Variants in DLG2 observed in about 807,000 individuals in gnomAD.
DLG2 encodes discs large MAGUK scaffold protein 2.
A neutral mutation model predicts 132.5 loss-of-function variants in DLG2; 45 were observed. The observed-to-expected ratio is 0.34, with a 90% CI of 0.27 to 0.44. The LOEUF is 0.44. Among genes scored for constraint, DLG2 ranks in the 20% least tolerant of loss-of-function variants. DLG2 has a pLI of 1.00. For missense variants in DLG2, 1,045 were observed against 1,196.9 expected, an observed-to-expected ratio of 0.87 and a Z score of 1.87; for synonymous variants, 424 against 419.6, an observed-to-expected ratio of 1.01 and a Z score of -0.13.
intron 18 of DLG2, among the ~76,000 whole-genome samples, chr11:83,727,345 T>C (rs1427862851): frequency 1.3e-5 from 2 of 152,084 alleles, no homozygotes; most frequent in Non-Finnish European, 2.9e-5. Flanking sequence ...GCCACAGTGA[T>C]TGTTGTTCAC....
At chr11:84,305,546 A>C (rs1299627588) in intron 7 of DLG2, among the ~76,000 whole-genome samples, 1 of 152,122 alleles carries the variant, frequency 6.6e-6, no homozygotes, top group African/African-American at 2.4e-5. Flanking sequence ...GGTCTTACTG[A>C]TATGTTTAAT....
chr11:83,964,147 G>C (rs1340722365), intron 13 of DLG2, among the ~76,000 whole-genome samples: 1 of 151,904 alleles, frequency 6.6e-6, no homozygotes, highest in South Asian at 2.1e-4. Context: ...ATACTTATTT[G>C]TTAGGTTTAT....
intron 4 of DLG2, among the ~76,000 whole-genome samples, chr11:85,186,640 A>T (rs1408149526): frequency 1.3e-5 from 2 of 152,140 alleles, no homozygotes; most frequent in Admixed American, 1.3e-4. Context: ...GAACATAGAT[A>T]CGTAGTAGTG....
intron 16 of DLG2, among the ~76,000 whole-genome samples, chr11:83,866,076 C>A (rs1396399059): frequency 6.6e-6 from 1 of 151,926 alleles, no homozygotes; most frequent in East Asian, 1.9e-4. Context: ...CACAGTCCCC[C>A]CTTTTTTTTT....
At chr11:83,805,563 C>G (rs1191748883) in intron 17 of DLG2, among the ~76,000 whole-genome samples, 1 of 152,046 alleles carries the variant, frequency 6.6e-6, no homozygotes, top group African/African-American at 2.4e-5. Context: ...CCTCTAATCT[C>G]TGTCTCTCTC....
intron 6 of DLG2, among the ~76,000 whole-genome samples, chr11:84,901,195 T>A (rs747261307): frequency 1.3e-5 from 2 of 152,082 alleles, no homozygotes; most frequent in Non-Finnish European, 2.9e-5. Flanking sequence ...TATTTCCACA[T>A]GATAAATGCT....
At chr11:85,120,035 ATAT>A (rs2074113625) in intron 5 of DLG2, among the ~76,000 whole-genome samples, 2 of 152,088 alleles carry the variant, frequency 1.3e-5, no homozygotes, top group Non-Finnish European at 2.9e-5. Context: ...CAAAAAATGC[ATAT>A]ACATTGGATA....
chr11:85,115,582 G>A (rs558099237), intron 5 of DLG2, among the ~76,000 whole-genome samples: 30 of 152,026 alleles, frequency 2.0e-4, no homozygotes, highest in Admixed American at 1.2e-3. Flanking sequence ...ATGAACAAGC[G>A]TAAGGGAAAA....
At chr11:84,000,187 C>T (rs1424231506) in intron 11 of DLG2, among the ~76,000 whole-genome samples, 1 of 151,720 alleles carries the variant, frequency 6.6e-6, no homozygotes, top group South Asian at 2.1e-4. Flanking sequence ...ACAAAAGAAC[C>T]AAACAGAAAT....
At chr11:84,585,121 C>G (rs757765791) in intron 6 of DLG2, among the ~76,000 whole-genome samples, 3 of 151,618 alleles carry the variant, frequency 2.0e-5, no homozygotes, top group Non-Finnish European at 4.4e-5. Context: ...AATATTTTGC[C>G]TTTTTTATGT....
intron 6 of DLG2, among the ~76,000 whole-genome samples, chr11:84,611,764 A>G (rs2099595989): frequency 1.3e-5 from 2 of 152,200 alleles, no homozygotes; most frequent in South Asian, 2.1e-4. Context: ...TAGACTCCAA[A>G]GAGAAATCAA....
rs548004471 is a variant in DLG2 at position 84,690,512 on chromosome 11, T to A, written c.358-155781A>T. On this transcript the variant is annotated intron_variant, in intron 6 of 27. Coordinates refer to ENST00000376104, the MANE Select transcript of DLG2 (RefSeq NM_001142699.3). ...ATCCCTCCATCCCTTATCCCTTCTCTCATTGAAAACAATGTAGAGCGTGGG... is the reference window on the plus strand; with the variant it reads ...ATCCCTCCATCCCTTATCCCTTCTCACATTGAAAACAATGTAGAGCGTGGG... Among the ~76,000 whole-genome samples, 17 of 151,922 alleles carry A rather than the reference T, an allele frequency of 1.1e-4. No individual in the cohort carries two copies. In the East Asian group the frequency reaches 3.3e-3, roughly 29 times the overall value.
intron 3 of DLG2, among the ~76,000 whole-genome samples, chr11:85,487,043 A>T (rs1488805535): frequency 7.3e-6 from 1 of 136,254 alleles, no homozygotes; most frequent in East Asian, 2.1e-4. Context: ...TGTGCTGATT[A>T]AAAAAAAAAA....
intron 7 of DLG2, among the ~76,000 whole-genome samples, chr11:84,489,197 A>G (rs1403231515): frequency 6.6e-6 from 1 of 152,100 alleles, no homozygotes; most frequent in Non-Finnish European, 1.5e-5. Context: ...ATAGTATAAA[A>G]CAAACGGCAC....
rs1439263633 is a variant in DLG2, at chr11:84,512,376, TA to T, written c.519+22193del. On this transcript the variant is annotated intron_variant, in intron 7 of 27. Transcript: ENST00000376104. ...GGCAAAATAGAACTGACAGTACCTT[TA>T]AAAAAATCAGATTTGAAAGAATCTG... Among the ~76,000 whole-genome samples the T allele has an allele frequency of 1.8e-4, 28 of 152,136 alleles. 1 individual carries two copies. The highest frequency in any genetic ancestry group is 6.5e-4 in the African/African-American group (27 of 41,516).
intron 6 of DLG2, among the ~76,000 whole-genome samples, chr11:84,823,160 G>T (rs956596616): frequency 7.3e-5 from 11 of 151,692 alleles, no homozygotes; most frequent in African/African-American, 2.4e-4. Flanking sequence ...TGAAGAGGAA[G>T]GAATAAACAA....
intron 18 of DLG2, among the ~76,000 whole-genome samples, chr11:83,717,163 G>C (rs993967036): frequency 1.3e-5 from 2 of 152,084 alleles, no homozygotes; most frequent in African/African-American, 4.8e-5. Context: ...CTAGGAAAAA[G>C]TCCTAGATTT....
chr11:83,480,566 A>G, intron 22 of DLG2: 2 of 1,544,540 alleles, frequency 1.3e-6, no homozygotes, highest in Non-Finnish European at 1.7e-6. Context: ...CAGATAAGAT[A>G]AAGAAGATGA....
At chr11:85,614,200 A>C (rs1339994258) in intron 2 of DLG2, among the ~76,000 whole-genome samples, 1 of 152,242 alleles carries the variant, frequency 6.6e-6, no homozygotes, top group Admixed American at 6.5e-5. Flanking sequence ...TTTACTAAGA[A>C]GTATTCACAT....
Sources: gnomAD v4.1 joint callset for allele counts (sites outside exome capture counted in the v4.1 genomes callset) on GRCh38, gnomAD v4.1.1 for gene constraint, MANE v1.5 for transcripts, NCBI Gene and HGNC (gene_info 2026-07-23, HGNC 2026-07-21) for gene names.